The following SHISA6 variants were observed in gnomAD, a reference collection of about 807,000 sequenced individuals.
SHISA6 encodes the protein shisa family member 6.
In SHISA6, 22 loss-of-function variants were observed where a neutral mutation model predicts 47.9. The observed-to-expected ratio is 0.46, with a 90% CI of 0.33 to 0.66. The LOEUF (loss-of-function observed/expected upper bound fraction) is 0.66, where lower values mean the gene tolerates loss of function less well. Among genes scored for constraint, SHISA6 ranks in the 30% least tolerant of loss-of-function variants. SHISA6 has a pLI of 0.02. For synonymous variants in SHISA6, 388 were observed against 337.8 expected, an observed-to-expected ratio of 1.15 and a Z score of -1.63; for missense variants, 680 against 764.6, an observed-to-expected ratio of 0.89 and a Z score of 1.30.
intron 2 of SHISA6, among the ~76,000 whole-genome samples, chr17:11,308,598 C>T (rs1194267671): frequency 6.6e-6 from 1 of 152,174 alleles, no homozygotes; most frequent in Non-Finnish European, 1.5e-5. Context: ...GCTAAGCCCT[C>T]CTCATTTCAC....
rs186402980 is a variant in SHISA6 at position 11,257,863 on chromosome 17, A to G, written c.639-5503A>G. ...TACCTAAAGGAAACAAAAACAAGCA[A>G]TTTCCACCATCTGTCTTGTAGTTTT... On this transcript the variant is annotated intron_variant, in intron 1 of 5. Transcript: ENST00000441885. Among the ~76,000 whole-genome samples the G allele has an allele frequency of 6.6e-5, 10 of 152,236 alleles. No individual in the cohort carries two copies. In the South Asian group the frequency reaches 1.0e-3, roughly 16 times the overall value.
At position 11,355,408 on chromosome 17, in the gene SHISA6, C is replaced by T. The variant is rs187854098; in HGVS notation, c.800-24006C>T. Reference sequence around the variant, plus strand: ...TTCTTTATCTAGCAGAACCATTTGACGATTGGGTCCTGATGGGAAAAAAAT... The same window carrying T: ...TTCTTTATCTAGCAGAACCATTTGATGATTGGGTCCTGATGGGAAAAAAAT... On this transcript the variant is annotated intron_variant, in intron 2 of 5. Transcript: ENST00000441885. Among the ~76,000 whole-genome samples the T allele has an allele frequency of 8.8e-4, 134 of 152,212 alleles. No individual in the cohort carries two copies. In the Middle Eastern group the frequency reaches 0.017, roughly 19 times the overall value.
intron 3 of SHISA6, among the ~76,000 whole-genome samples, chr17:11,396,613 A>T (rs1913579426): frequency 6.6e-6 from 1 of 152,190 alleles, no homozygotes; most frequent in Non-Finnish European, 1.5e-5. Flanking sequence ...CAACAGTGTA[A>T]AAGCGTTCCT....
chr17:11,541,853 G>A (rs921191044), intron 3 of SHISA6, among the ~76,000 whole-genome samples: 2 of 152,172 alleles, frequency 1.3e-5, no homozygotes, highest in South Asian at 2.1e-4. Flanking sequence ...GAAGCTAGAG[G>A]ATGATTGGGG....
chr17:11,319,103 G>T (rs1910623831), intron 2 of SHISA6, among the ~76,000 whole-genome samples: 1 of 143,576 alleles, frequency 7.0e-6, no homozygotes. Flanking sequence ...CCTTGAGATG[G>T]AGTCTCGCTC....
intron 3 of SHISA6, among the ~76,000 whole-genome samples, chr17:11,522,497 G>A (rs1468646004): frequency 6.6e-6 from 1 of 152,174 alleles, no homozygotes; most frequent in Non-Finnish European, 1.5e-5. Context: ...ACACCAAAGA[G>A]TCAGGCTGTT....
intron 1 of SHISA6, among the ~76,000 whole-genome samples, chr17:11,246,591 A>G (rs928747368): frequency 3.3e-5 from 5 of 152,226 alleles, no homozygotes; most frequent in African/African-American, 1.2e-4. Context: ...GATGCTGGGA[A>G]GGCAGAAAGA....
chr17:11,549,021 T>C (rs2071907011), intron 3 of SHISA6, among the ~76,000 whole-genome samples: 1 of 152,218 alleles, frequency 6.6e-6, no homozygotes, highest in Non-Finnish European at 1.5e-5. Context: ...TTTACTACTA[T>C]AAAAATGCCA....
chr17:11,452,413 G>T (rs989017305), intron 3 of SHISA6, among the ~76,000 whole-genome samples: 1 of 152,104 alleles, frequency 6.6e-6, no homozygotes, highest in African/African-American at 2.4e-5. Flanking sequence ...ATGGTAGATT[G>T]TACATAGAGT....
intron 3 of SHISA6, among the ~76,000 whole-genome samples, chr17:11,432,076 T>C (rs532980721): frequency 6.6e-6 from 1 of 152,304 alleles, no homozygotes; most frequent in South Asian, 2.1e-4. Context: ...CCTGAAGGTT[T>C]ATAAAACCAA....
chr17:11,252,083 A>G (rs1053391365), intron 1 of SHISA6, among the ~76,000 whole-genome samples: 8 of 152,028 alleles, frequency 5.3e-5, no homozygotes, highest in African/African-American at 1.9e-4. Context: ...TGCTTGACTC[A>G]TGCCTACTCC....
intron 2 of SHISA6, among the ~76,000 whole-genome samples, chr17:11,363,925 T>C: frequency 6.6e-6 from 1 of 152,172 alleles, no homozygotes; most frequent in East Asian, 1.9e-4. Flanking sequence ...GCCCCTGAGG[T>C]GCTACTCTCA....
At chr17:11,409,116 C>A (rs1303431158) in intron 3 of SHISA6, among the ~76,000 whole-genome samples, 1 of 152,082 alleles carries the variant, frequency 6.6e-6, no homozygotes, top group African/African-American at 2.4e-5. Context: ...AAATTACTTA[C>A]TAGATCCATG....
At chr17:11,259,091 T>A (rs999125290) in intron 1 of SHISA6, among the ~76,000 whole-genome samples, 4 of 150,968 alleles carry the variant, frequency 2.6e-5, no homozygotes, top group Non-Finnish European at 5.9e-5. Flanking sequence ...TTGGGGGAGA[T>A]GGATATAATT....
intron 3 of SHISA6, among the ~76,000 whole-genome samples, chr17:11,466,534 G>C (rs147127716): frequency 6.6e-5 from 10 of 152,112 alleles, no homozygotes; most frequent in Non-Finnish European, 1.3e-4. Context: ...TGTTCAGCCT[G>C]CCACCAGTGG....
chr17:11,439,408 T>A (rs1350201386), intron 3 of SHISA6, among the ~76,000 whole-genome samples: 2 of 152,034 alleles, frequency 1.3e-5, no homozygotes, highest in Non-Finnish European at 2.9e-5. Context: ...GCTCAGATAG[T>A]AACATTGGAA....
At chr17:11,389,471 C>G (rs942978037) in intron 3 of SHISA6, among the ~76,000 whole-genome samples, 19 of 152,214 alleles carry the variant, frequency 1.2e-4, no homozygotes, top group African/African-American at 4.1e-4. Context: ...CACTGAGGGT[C>G]ATGAATGTGT....
chr17:11,553,885 C>T (rs2071951969), intron 4 of SHISA6, among the ~76,000 whole-genome samples: 1 of 152,140 alleles, frequency 6.6e-6, no homozygotes, highest in South Asian at 2.1e-4. Flanking sequence ...AAAGATGGGA[C>T]ATTGGCACAG....
chr17:11,498,843 A>G (rs1030823182), intron 3 of SHISA6, among the ~76,000 whole-genome samples: 2 of 152,158 alleles, frequency 1.3e-5, no homozygotes, highest in Non-Finnish European at 2.9e-5. Context: ...CCCCATAACA[A>G]CGAAGGATTT....
Sources: allele counts gnomAD v4.1 joint callset (sites outside exome capture counted in the v4.1 genomes callset), GRCh38; gene constraint gnomAD v4.1.1; transcripts MANE v1.5; gene names NCBI Gene and HGNC (gene_info 2026-07-23, HGNC 2026-07-21).